The following TECRL variants were observed in gnomAD, a reference collection of about 807,000 sequenced individuals.
The protein encoded by TECRL is trans-2,3-enoyl-CoA reductase-like.
Under a neutral mutation model 52.8 loss-of-function variants are expected in TECRL, and 63 were observed. That is an observed-to-expected ratio of 1.19 (90% CI 0.97 to 1.47). The LOEUF is 1.47. TECRL is among the 40% of genes most tolerant of loss of function. The pLI is 0.00. For synonymous variants in TECRL, 164 were observed against 141.9 expected (o/e 1.16, Z -1.10); for missense variants, 482 against 429.6 (o/e 1.12, Z -1.08).
At chr4:64,354,560 A>G (rs1720630421) in intron 2 of TECRL, among the ~76,000 whole-genome samples, 1 of 152,206 alleles carries the variant, frequency 6.6e-6, no homozygotes, top group Admixed American at 6.5e-5. Context: ...ATAGCAGAGA[A>G]TGAACAAATT....
intron 2 of TECRL, among the ~76,000 whole-genome samples, chr4:64,354,028 G>A (rs913217350): frequency 1.3e-5 from 2 of 152,132 alleles, no homozygotes; most frequent in African/African-American, 4.8e-5. Flanking sequence ...CACGTCAAAT[G>A]CAGTTGAAAG....
intron 3 of TECRL, among the ~76,000 whole-genome samples, chr4:64,323,219 C>A (rs1025433377): frequency 2.0e-5 from 3 of 151,628 alleles, no homozygotes; most frequent in Admixed American, 2.0e-4. Context: ...CATGACAAAA[C>A]CCTGTCTCTA....
intron 3 of TECRL, among the ~76,000 whole-genome samples, chr4:64,326,130 A>C (rs1489238823): frequency 6.6e-6 from 1 of 152,094 alleles, no homozygotes; most frequent in Non-Finnish European, 1.5e-5. Flanking sequence ...TGGGCCTGGA[A>C]CTGGGGTACA....
chr4:64,331,737 T>C (rs1253261428), intron 2 of TECRL, among the ~76,000 whole-genome samples: 2 of 152,110 alleles, frequency 1.3e-5, no homozygotes, highest in African/African-American at 2.4e-5. Flanking sequence ...TAAAATGTAA[T>C]GGAATGATAG....
At chr4:64,360,257 A>AC (rs1721082628) in intron 2 of TECRL, among the ~76,000 whole-genome samples, 1 of 151,906 alleles carries the variant, frequency 6.6e-6, no homozygotes, top group African/African-American at 2.4e-5. Flanking sequence ...TACCCACTTA[A>AC]TTTTTTTAAA....
At chr4:64,373,856 C>T (rs988044757) in intron 2 of TECRL, among the ~76,000 whole-genome samples, 1 of 26,224 alleles carries the variant, frequency 3.8e-5, no homozygotes, top group East Asian at 0.045. Context: ...ATGTTTTATG[C>T]TAAGATAGAA....
In TECRL at chr4:64,279,142, AT is replaced by A. The variant is rs776917008; in HGVS notation, c.*929del. The A allele has an allele frequency of 4.6e-5, 7 of 152,190 alleles. No homozygotes were observed. The highest frequency in any genetic ancestry group is 2.6e-4 in the Admixed American group (4 of 15,260). The allele number at this position is 152,190 out of a possible 1,614,324, so 9.4% of individuals were successfully genotyped here. ...TATTGCTGGATCATATGATAGTTCTATTTGTAATTTTTGAAGAAAGTCCATG... is the reference window on the plus strand; with the variant it reads ...TATTGCTGGATCATATGATAGTTCTATTGTAATTTTTGAAGAAAGTCCATG... On this transcript the variant is annotated 3_prime_UTR_variant, in exon 12 of 12. Coordinates refer to ENST00000381210, the MANE Select transcript of TECRL (RefSeq NM_001010874.5).
At position 64,279,403 on chromosome 4, in the gene TECRL, G is replaced by A. The variant is rs1476917893; in HGVS notation, c.*669C>T. On this transcript the variant is annotated 3_prime_UTR_variant, in exon 12 of 12. Transcript: ENST00000381210. ...CTACTGGCATGTGCCACCACGCCCA[G>A]CTAATTTTTACTTTTTAAAATTTTT... 1 of 152,088 alleles carries A rather than the reference G, an allele frequency of 6.6e-6. No homozygotes were observed. Among genetic ancestry groups the A allele is most frequent in the African/African-American group, 2.4e-5 (1 of 41,412 alleles). The allele number at this position is 152,088 out of a possible 1,614,324, so 9.4% of individuals were successfully genotyped here. A position where few individuals can be genotyped will look rare whatever the true frequency, so the allele number is the denominator to read the frequency against.
chr4:64,406,165 C>CGTGTGTGTGT (rs1553923396), intron 1 of TECRL, among the ~76,000 whole-genome samples: 1 of 146,074 alleles, frequency 6.8e-6, no homozygotes, highest in Admixed American at 6.9e-5. Flanking sequence ...CGCGCGCGCG[C>CGTGTGTGTGT]GTGTGTGTGT....
intron 2 of TECRL, among the ~76,000 whole-genome samples, chr4:64,338,755 A>G (rs996847119): frequency 5.3e-5 from 8 of 152,218 alleles, no homozygotes; most frequent in African/African-American, 1.9e-4. Flanking sequence ...ACCAGTTAGA[A>G]TGGAGATCAT....
intron 7 of TECRL, among the ~76,000 whole-genome samples, chr4:64,300,338 C>T (rs907103379): frequency 1.2e-4 from 18 of 150,646 alleles, no homozygotes; most frequent in African/African-American, 3.9e-4. Flanking sequence ...CATATAATGG[C>T]ACCACAAAAT....
At chr4:64,319,001 C>T (rs1717701058) in intron 4 of TECRL, among the ~76,000 whole-genome samples, 1 of 151,704 alleles carries the variant, frequency 6.6e-6, no homozygotes. Context: ...AGGAGGTGCT[C>T]AAATGTAAAG....
chr4:64,406,526 TA>T (rs201243777), intron 1 of TECRL, among the ~76,000 whole-genome samples: 6,228 of 151,980 alleles, frequency 0.041, 124 homozygotes, highest in Non-Finnish European at 0.048. Flanking sequence ...AAATGATTAT[TA>T]AAAATAAAAT....
chr4:64,371,988 T>G (rs1049562900), intron 2 of TECRL, among the ~76,000 whole-genome samples: 1 of 151,824 alleles, frequency 6.6e-6, no homozygotes, highest in African/African-American at 2.4e-5. Flanking sequence ...TTTTAAAATA[T>G]CTTTAAAATG....
intron 2 of TECRL, among the ~76,000 whole-genome samples, chr4:64,374,006 G>GTATAGCA (rs1553919009): frequency 3.0e-5 from 4 of 135,190 alleles, no homozygotes; most frequent in Non-Finnish European, 6.1e-5. Flanking sequence ...CTATACTATA[G>GTATAGCA]TATAGTATAT....
At chr4:64,325,187 GAACTTCTTCCATGCAACTGCAAAGACCA>G (rs1191156539) in intron 3 of TECRL, among the ~76,000 whole-genome samples, 1 of 152,112 alleles carries the variant, frequency 6.6e-6, no homozygotes, top group Non-Finnish European at 1.5e-5. Flanking sequence ...AAGAACACAG[GAACTTCTTCCATGCAACTGCAAAGACCA>G]AACAAACAGA....
chr4:64,291,538 G>C (rs898190536), intron 8 of TECRL, among the ~76,000 whole-genome samples: 1 of 151,826 alleles, frequency 6.6e-6, no homozygotes, highest in Non-Finnish European at 1.5e-5. Context: ...GAAAAAATAA[G>C]TTTTAGAAAT....
At position 64,305,256 on chromosome 4, in the gene TECRL, CA is replaced by C. The variant is rs1724262529; in HGVS notation, c.658-19del. 6.2e-7 allele frequency: 1 copy of C among 1,607,044 alleles called. No individual in the cohort carries two copies. The highest frequency in any genetic ancestry group is 1.7e-5 in the Admixed American group (1 of 58,744). ...GCACAACTCTGCAAACAAAACAAAA[CA>C]AAATAAAAGTTAGGAAAAATATGTA... On this transcript the variant is annotated intron_variant, in intron 6 of 11. Coordinates refer to ENST00000381210, the MANE Select transcript of TECRL (RefSeq NM_001010874.5).
intron 2 of TECRL, among the ~76,000 whole-genome samples, chr4:64,333,363 C>T (rs1268542601): frequency 6.6e-6 from 1 of 151,952 alleles, no homozygotes; most frequent in East Asian, 1.9e-4. Flanking sequence ...CAATAGAACA[C>T]GTCTTTCCGT....
Sources: allele counts gnomAD v4.1 joint callset (sites outside exome capture counted in the v4.1 genomes callset), GRCh38; gene constraint gnomAD v4.1.1; transcripts MANE v1.5; gene names NCBI Gene and HGNC (gene_info 2026-07-23, HGNC 2026-07-21).